UNC50: variants seen among roughly 807,000 people sequenced by gnomAD.
The protein encoded by UNC50 is protein unc-50 homolog.
UNC50 carries 24 observed loss-of-function variants against 31.5 expected under a neutral mutation model. The observed-to-expected ratio is 0.76, with a 90% CI of 0.55 to 1.07. UNC50 has a LOEUF of 1.07. Ranked by LOEUF, UNC50 falls within the 50% of genes least tolerant of loss-of-function variation. UNC50 has a pLI of 0.00. For missense variants in UNC50, 245 were observed against 304.2 expected (o/e 0.81, Z 1.45); for synonymous variants, 118 against 114.7 (o/e 1.03, Z -0.18).
intron 2 of UNC50, 64 bp downstream of exon 2, chr2:98,610,103 A>G: frequency 6.7e-7 from 1 of 1,483,278 alleles, no homozygotes; most frequent in South Asian, 1.3e-5. Flanking sequence ...TTTTGTTATA[A>G]ATGTGTTGTG....
intron 3 of UNC50, among the ~76,000 whole-genome samples, chr2:98,613,676 T>C (rs553282044): frequency 6.6e-6 from 1 of 152,302 alleles, no homozygotes; most frequent in South Asian, 2.1e-4. Flanking sequence ...AGATGAGATT[T>C]TGGGGACACA....
intron 3 of UNC50, among the ~76,000 whole-genome samples, chr2:98,615,470 G>C (rs766911926): frequency 2.6e-5 from 4 of 152,162 alleles, no homozygotes; most frequent in Admixed American, 6.5e-5. Context: ...TCTTCCATTT[G>C]TTCAAGGCAG....
intron 3 of UNC50, 53 bp from the exon 4 acceptor site, chr2:98,616,154 A>G: frequency 6.4e-7 from 1 of 1,563,774 alleles, no homozygotes; most frequent in South Asian, 1.2e-5. Flanking sequence ...AGTCGTCAGT[A>G]AACATTTACA....
At chr2:98,617,068 T>C (rs1020280959) in intron 5 of UNC50, among the ~76,000 whole-genome samples, 8 of 152,252 alleles carry the variant, frequency 5.3e-5, no homozygotes, top group South Asian at 4.1e-4. Context: ...CAACATTTAT[T>C]GTCCTCAGGA....
At chr2:98,609,541 T>G (rs1575227728) in intron 1 of UNC50, 1 of 656,584 alleles carries the variant, frequency 1.5e-6, no homozygotes. Context: ...TTCAGAAGGG[T>G]GGGCTGTTGC....
At chr2:98,617,226 AC>A (rs1337418908) in intron 5 of UNC50, among the ~76,000 whole-genome samples, 3 of 152,132 alleles carry the variant, frequency 2.0e-5, no homozygotes. Flanking sequence ...TACGTTTCTT[AC>A]CCCTTCCTTT....
intron 5 of UNC50, 72 bp downstream of exon 5, chr2:98,616,605 C>A: frequency 8.1e-7 from 1 of 1,232,602 alleles, no homozygotes; most frequent in African/African-American, 1.5e-5. Flanking sequence ...GTAGTACAAA[C>A]AGCTGCTTTT....
chr2:98,612,410 CTT>C (rs768688492), intron 3 of UNC50, among the ~76,000 whole-genome samples: 2 of 145,300 alleles, frequency 1.4e-5, no homozygotes. Flanking sequence ...TGATACCAGC[CTT>C]TTTTTTTTTT....
chr2:98,609,182 T>C (rs11896729), intron 1 of UNC50: 39,538 of 153,962 alleles, frequency 0.26, 5,130 homozygotes, highest in Middle Eastern at 0.35. Flanking sequence ...ACCGGTTGGA[T>C]TGGACTCCGA....
At chr2:98,613,650 T>C (rs1700874901) in intron 3 of UNC50, among the ~76,000 whole-genome samples, 1 of 152,202 alleles carries the variant, frequency 6.6e-6, no homozygotes, top group Non-Finnish European at 1.5e-5. Context: ...GTGGGGATTC[T>C]GGGGATTGCT....
At chr2:98,609,670 C>T in intron 1 of UNC50, 86 bp from the exon 2 acceptor site, 1 of 1,588,784 alleles carries the variant, frequency 6.3e-7, no homozygotes, top group African/African-American at 1.3e-5. Context: ...AAAGTGACCT[C>T]CCTGCCAAAT....
At chr2:98,616,581 G>GCCTTGCTCCACATAC in intron 5 of UNC50, 48 bp downstream of exon 5, 1 of 1,493,154 alleles carries the variant, frequency 6.7e-7, no homozygotes, top group Non-Finnish European at 9.3e-7. Context: ...AGCAAGAGGG[G>GCCTTGCTCCACATAC]GAAAGTTGTA....
intron 3 of UNC50, among the ~76,000 whole-genome samples, chr2:98,614,028 T>C (rs1005976141): frequency 4.1e-4 from 63 of 152,202 alleles, no homozygotes; most frequent in African/African-American, 1.2e-3. Context: ...ACTAGAGAAA[T>C]TGGCCTTCAT....
chr2:98,615,158 C>T (rs1700900811), intron 3 of UNC50, among the ~76,000 whole-genome samples: 1 of 152,192 alleles, frequency 6.6e-6, no homozygotes. Flanking sequence ...CTATTTCATC[C>T]TCCTTTTAAT....
Position 98,608,625 on chromosome 2 carries a change from C to T in UNC50, c.-106C>T. On this transcript the variant is annotated 5_prime_UTR_variant, in exon 1 of 6. Coordinates refer to ENST00000357765, the MANE Select transcript of UNC50 (RefSeq NM_014044.7). Reference sequence around the variant, plus strand: ...CGCGGCGCGCCCCAAGGGCCGGCTCCGTTGAGGGAAGGGAAGCCCGCCCGG... The same window carrying T: ...CGCGGCGCGCCCCAAGGGCCGGCTCTGTTGAGGGAAGGGAAGCCCGCCCGG... 1 of 586,872 alleles carries T rather than the reference C, an allele frequency of 1.7e-6. No homozygotes were observed. Among genetic ancestry groups the T allele is most frequent in the Non-Finnish European group, 3.0e-6 (1 of 330,942 alleles). 36.4% of individuals were successfully genotyped at this position (586,872 alleles called of 1,614,324 possible). A position where few individuals can be genotyped will look rare whatever the true frequency, so the allele number is the denominator to read the frequency against.
In UNC50 at chr2:98,618,368, A is replaced by C; in HGVS notation, c.*64A>C. ...TATTGTGAAGTGATCATTTCTTGTA[A>C]AACTTGTAAATAAACTATCATCTTT... On this transcript the variant is annotated 3_prime_UTR_variant, in exon 6 of 6. Coordinates refer to ENST00000357765, the MANE Select transcript of UNC50 (RefSeq NM_014044.7). The C allele has an allele frequency of 6.8e-7, 1 of 1,476,068 alleles. No homozygotes were observed. The highest frequency in any genetic ancestry group is 9.0e-7 in the Non-Finnish European group (1 of 1,109,614). The allele number at this position is 1,476,068 out of a possible 1,614,324, so 91.4% of individuals were successfully genotyped here. A position where few individuals can be genotyped will look rare whatever the true frequency, so the allele number is the denominator to read the frequency against.
chr2:98,609,926 T>C lies in UNC50; in HGVS notation c.167T>C (p.Leu56Pro). 1 of 1,614,218 alleles carries C rather than the reference T, an allele frequency of 6.2e-7. No individual in the cohort carries two copies. The highest frequency in any genetic ancestry group is 8.5e-7 in the Non-Finnish European group (1 of 1,180,048). The stretch of plus-strand genomic sequence containing the variant: ...TTTGCTGCCTGGCAGATGCTCTACC[T>C]GTTCACATCCCCACAGAGAGTTTAC... Reference protein sequence around the residue: ...FEFAAWQMLYLFTSPQRVYRN... With the variant: ...FEFAAWQMLYPFTSPQRVYRN... Residue 56 changes from leucine to proline, a missense_variant, in exon 2 of 6, where the codon CTG becomes CCG. Leu to Pro is a moderately conservative substitution (Grantham distance 98, BLOSUM62 -3). Transcript: ENST00000357765.
At chr2:98,609,326 A>G in intron 1 of UNC50, 1 of 203,000 alleles carries the variant, frequency 4.9e-6, no homozygotes, top group Admixed American at 5.3e-5. Context: ...TGAATAGGCC[A>G]TTTATTTGAC....
chr2:98,618,022 G>C, intron 5 of UNC50, 146 bp from the exon 6 acceptor site: 1 of 863,258 alleles, frequency 1.2e-6, no homozygotes, highest in Non-Finnish European at 1.7e-6. Context: ...GTCTAGTTCT[G>C]GGCATAAATA....
Sources: allele counts gnomAD v4.1 joint callset (sites outside exome capture counted in the v4.1 genomes callset), GRCh38; gene constraint gnomAD v4.1.1; transcripts MANE v1.5; gene names NCBI Gene and HGNC (gene_info 2026-07-23, HGNC 2026-07-21).